Variants in PKDREJ observed in about 807,000 individuals in gnomAD.
The protein encoded by PKDREJ is polycystin family receptor for egg jelly, also known as PKD and REJ homolog.
For synonymous variants in PKDREJ, 1,031 were observed against 1,095.5 expected (o/e 0.94, Z 1.16); for missense variants, 2,507 against 2,807.2 (o/e 0.89, Z 2.42).
chr22:46,261,598 T>C lies in PKDREJ; in HGVS notation c.1725A>G (p.Ala575=). 1 of 1,613,736 alleles carries C rather than the reference T, an allele frequency of 6.2e-7. No homozygotes were observed. Among genetic ancestry groups the C allele is most frequent in the Non-Finnish European group, 8.5e-7 (1 of 1,179,654 alleles). Residue 575 remains alanine, a synonymous_variant, in exon 1 of 1, where the codon GCA becomes GCG. Coordinates refer to ENST00000253255, the MANE Select transcript of PKDREJ (RefSeq NM_006071.2). This position sits in a 1 kb window ranked among gnomAD's most constrained non-coding sequence, Gnocchi z 7.1. ...ECKINPAKGI[A]LITKFVVQCS... ...ACTGGACAACAAATTTAGTAATAAG[T>C]GCAATTCCTTTAGCTGGATTAATTT...
rs781534212 is a variant in PKDREJ at position 46,258,152 on chromosome 22, A to T, written c.5171T>A (p.Leu1724Gln). The T allele has an allele frequency of 5.6e-6, 9 of 1,614,178 alleles. No homozygotes were observed. The South Asian group carries it at 6.6e-5, about 12-fold the overall frequency. The change falls in exon 1 of 1, where the codon CTG (leucine) becomes CAG (glutamine). Residue 1724 changes from leucine to glutamine, a missense_variant. By Grantham distance (113) the Leu-to-Gln change is moderately radical (BLOSUM62 -2). Coordinates refer to ENST00000253255, the MANE Select transcript of PKDREJ (RefSeq NM_006071.2). The surrounding 1 kb of genome is among the most constrained non-coding windows in gnomAD (Gnocchi z 6.1). ...ACGTAGTAAGACGATAAGGATCAAC[A>T]GAAGGGCTAGAAAGATAAAGTGAGT... ...ILTHFIFLAL[L>Q]LILIVLLRHT...
Position 46,262,292 on chromosome 22 carries a change from G to A in PKDREJ, c.1031C>T (p.Ala344Val), listed in dbSNP as rs1399495669. The A allele has an allele frequency of 2.5e-6, 4 of 1,614,080 alleles. No individual in the cohort carries two copies. The highest frequency in any genetic ancestry group is 3.4e-6 in the Non-Finnish European group (4 of 1,180,052). The change falls in exon 1 of 1, where the codon GCC becomes GTC. Residue 344 changes from alanine to valine, a missense_variant. Coordinates refer to ENST00000253255, the MANE Select transcript of PKDREJ (RefSeq NM_006071.2). This position sits in a 1 kb window ranked among gnomAD's most constrained non-coding sequence, Gnocchi z 8.1. ...SSLQAVMLGDANITANFTEQL... is the reference protein window; with the variant it reads ...SSLQAVMLGDVNITANFTEQL... ...CTCTGTGAAATTAGCTGTTATGTTG[G>A]CATCGCCAAGCATCACCGCCTGCAG...
At position 46,256,354 on chromosome 22, in the gene PKDREJ, C is replaced by T. The variant is rs1198889071; in HGVS notation, c.*207G>A. The T allele has an allele frequency of 2.7e-6, 2 of 733,656 alleles. No homozygotes were observed. Among genetic ancestry groups the T allele is most frequent in the Non-Finnish European group, 2.1e-6 (1 of 471,002 alleles). 45.4% of individuals were successfully genotyped at this position (733,656 alleles called of 1,614,324 possible). On this transcript the variant is annotated 3_prime_UTR_variant, in exon 1 of 1. Transcript: ENST00000253255. This position sits in a 1 kb window ranked among gnomAD's most constrained non-coding sequence, Gnocchi z 5.3. ...GAATCCCACACTGTGATCCTGCTGT[C>T]TCCCCAGATGCTACACTACACTCCC...
rs374900193 is a variant in PKDREJ at position 46,260,874 on chromosome 22, T to C, written c.2449A>G (p.Ile817Val). Residue 817 changes from isoleucine (I) to valine (V), a missense_variant, in exon 1 of 1, where the codon ATT becomes GTT. Ile to Val is a conservative substitution (Grantham distance 29). Coordinates refer to ENST00000253255, the MANE Select transcript of PKDREJ (RefSeq NM_006071.2). The surrounding 1 kb of genome is among the most constrained non-coding windows in gnomAD (Gnocchi z 4.5). ...TGGTGAGGAGAAGTCATTTTAAGAATATTAGACAAACTCATTAGTATTCCA... is the reference window on the plus strand; with the variant it reads ...TGGTGAGGAGAAGTCATTTTAAGAACATTAGACAAACTCATTAGTATTCCA... ...STGILMSLSNILKMTSPHQVV... is the reference protein window; with the variant it reads ...STGILMSLSNVLKMTSPHQVV... The C allele has an allele frequency of 1.1e-4, 174 of 1,613,892 alleles. No individual in the cohort carries two copies. In the South Asian group the frequency reaches 1.8e-3, roughly 17 times the overall value.
In PKDREJ at chr22:46,261,187, T is replaced by C; in HGVS notation, c.2136A>G (p.Ile712Met). The change falls in exon 1 of 1, where the codon ATA (isoleucine) becomes ATG (methionine). Residue 712 changes from isoleucine to methionine, a missense_variant. By Grantham distance (10) the Ile-to-Met change is conservative. Transcript: ENST00000253255. This position sits in a 1 kb window ranked among gnomAD's most constrained non-coding sequence, Gnocchi z 7.1. Reference sequence around the variant, plus strand: ...TCATGTTATTCAAAACGGAAGCTACTATATACAGTAAGTAACCTGCAGGTA... The same window carrying C: ...TCATGTTATTCAAAACGGAAGCTACCATATACAGTAAGTAACCTGCAGGTA... ...DFLPAGYLLY[I>M]VASVLNNMKT... 1 of 1,614,166 alleles carries C rather than the reference T, an allele frequency of 6.2e-7. No individual in the cohort carries two copies.
rs1157092831 is a variant in PKDREJ, at chr22:46,261,529, T to C, written c.1794A>G (p.Ile598Met). ...CAACACTGTGCAAATCAGAAACAATTATTTTATATGTAAGAGGGACGTGCT... is the reference window on the plus strand; with the variant it reads ...CAACACTGTGCAAATCAGAAACAATCATTTTATATGTAAGAGGGACGTGCT... ...RDKHVPLTYKIIVSDLHSVGE... is the reference protein window; with the variant it reads ...RDKHVPLTYKMIVSDLHSVGE... Residue 598 changes from isoleucine to methionine, a missense_variant, in exon 1 of 1, where the codon ATA becomes ATG. Coordinates refer to ENST00000253255, the MANE Select transcript of PKDREJ (RefSeq NM_006071.2). This position sits in a 1 kb window ranked among gnomAD's most constrained non-coding sequence, Gnocchi z 7.1. 6.2e-7 allele frequency: 1 copy of C among 1,614,134 alleles called. No homozygotes were observed. Among genetic ancestry groups the C allele is most frequent in the Non-Finnish European group, 8.5e-7 (1 of 1,179,980 alleles).
chr22:46,262,701 C>T lies in PKDREJ; in HGVS notation c.622G>A (p.Val208Met). Residue 208 changes from valine (V) to methionine (M), a missense_variant, in exon 1 of 1, where the codon GTG (valine) becomes ATG (methionine). By Grantham distance (21) the Val-to-Met change is conservative (BLOSUM62 1). Transcript: ENST00000253255. This position sits in a 1 kb window ranked among gnomAD's most constrained non-coding sequence, Gnocchi z 8.1. The part of the protein sequence containing the change: ...SSSHRAVESS[V>M]SCQINACVIQ... ...ACGCAGGCGTTTATCTGACAGGACA[C>T]GGACGACTCGACGGCTCTGTGGCTG... The T allele has an allele frequency of 6.2e-7, 1 of 1,612,812 alleles. No individual in the cohort carries two copies.
Position 46,262,462 on chromosome 22 carries a change from G to T in PKDREJ, c.861C>A (p.Ser287Arg), listed in dbSNP as rs902573901. The T allele has an allele frequency of 6.2e-7, 1 of 1,600,702 alleles. No homozygotes were observed. Among genetic ancestry groups the T allele is most frequent in the African/African-American group, 1.3e-5 (1 of 74,818 alleles). ...LDLPQLEIRN[S>R]PLFIHIPNNS... ...TATTGGGGATGTGAATGAACAAGGG[G>T]CTGTTCCTGATCTCGAGCTGGGGCA... Residue 287 changes from serine to arginine, a missense_variant, in exon 1 of 1, where the codon AGC (serine) becomes AGA (arginine). Ser to Arg is a moderately radical substitution (Grantham distance 110, BLOSUM62 -1). Transcript: ENST00000253255. This position sits in a 1 kb window ranked among gnomAD's most constrained non-coding sequence, Gnocchi z 8.1.
rs747064079 is a variant in PKDREJ, at chr22:46,260,997, G to C, written c.2326C>G (p.Arg776Gly). ...PSEFTWDAQK[R>G]ATMRVWQANQ... ...GCTTGCCATACCCTCATGGTGGCAC[G>C]TTTCTGAGCATCCCAAGTGAATTCA... The change falls in exon 1 of 1, where the codon CGT (arginine) becomes GGT (glycine). Residue 776 changes from arginine (R) to glycine (G), a missense_variant. Arg to Gly is a moderately radical substitution (Grantham distance 125, BLOSUM62 -2). Coordinates refer to ENST00000253255, the MANE Select transcript of PKDREJ (RefSeq NM_006071.2). This position sits in a 1 kb window ranked among gnomAD's most constrained non-coding sequence, Gnocchi z 4.5. 6 of 1,614,028 alleles carry C rather than the reference G, an allele frequency of 3.7e-6. No homozygotes were observed. In the East Asian group the frequency reaches 1.3e-4, roughly 36 times the overall value.
In PKDREJ at chr22:46,262,214, A is replaced by G. The variant is rs1936704648; in HGVS notation, c.1109T>C (p.Leu370Ser). ...TSSDPDADSP[L>S]QGLQFFWYCT... ...GTACCAAAAGAACTGGAGTCCCTGT[A>G]ACGGGCTGTCCGCATCTGGGTCCGA... The change falls in exon 1 of 1, where the codon TTA becomes TCA. Residue 370 changes from leucine to serine, a missense_variant. Leu to Ser is a moderately radical substitution (Grantham distance 145). Transcript: ENST00000253255. The surrounding 1 kb of genome is among the most constrained non-coding windows in gnomAD (Gnocchi z 8.1). The G allele has an allele frequency of 1.2e-6, 2 of 1,614,096 alleles. No homozygotes were observed. The highest frequency in any genetic ancestry group is 1.3e-5 in the African/African-American group (1 of 74,938).
rs751567208 is a variant in PKDREJ, at chr22:46,259,722, C to G, written c.3601G>C (p.Ala1201Pro). The stretch of plus-strand genomic sequence containing the variant: ...TCATCCCTGTATAAAGCCCAAAAAG[C>G]TAGGCCCACGTATAAGAGAATAATG... ...LFIILLYVGL[A>P]FWALYRDEMD... is the part of the protein sequence containing the mutation. Residue 1201 changes from alanine (A) to proline (P), a missense_variant, in exon 1 of 1, where the codon GCT (alanine) becomes CCT (proline). By Grantham distance (27) the Ala-to-Pro change is conservative. Coordinates refer to ENST00000253255, the MANE Select transcript of PKDREJ (RefSeq NM_006071.2). The surrounding 1 kb of genome is among the most constrained non-coding windows in gnomAD (Gnocchi z 6.8). The G allele has an allele frequency of 1.2e-6, 2 of 1,614,172 alleles. No homozygotes were observed. Among genetic ancestry groups the G allele is most frequent in the Non-Finnish European group, 1.7e-6 (2 of 1,180,044 alleles).
At position 46,263,293 on chromosome 22, in the gene PKDREJ, CAGA is replaced by C; in HGVS notation, c.27_29del (p.Leu10del). ...CGACGCTCAGGCTCAGGCCCACGCC[CAGA>C]AGGAGGAGAGCGGGCCCAGGCCTCA... On this transcript the variant is annotated inframe_deletion, in exon 1 of 1. Transcript: ENST00000253255. This position sits in a 1 kb window ranked among gnomAD's most constrained non-coding sequence, Gnocchi z 9.4. 2 of 1,460,828 alleles carry C rather than the reference CAGA, an allele frequency of 1.4e-6. No homozygotes were observed. Among genetic ancestry groups the C allele is most frequent in the Non-Finnish European group, 1.8e-6 (2 of 1,114,854 alleles). 90.5% of individuals were successfully genotyped at this position (1,460,828 alleles called of 1,614,324 possible).
Position 46,263,081 on chromosome 22 carries a change from TG to T in PKDREJ, c.241del (p.His81MetfsTer46). On this transcript the variant is annotated frameshift_variant, in exon 1 of 1. Transcript: ENST00000253255. LOFTEE classifies it low-confidence loss of function (END_TRUNC). This position sits in a 1 kb window ranked among gnomAD's most constrained non-coding sequence, Gnocchi z 9.4. ...LSGRGSLCFP[H>X]GGTGRRWYCL... ...GTACCAGCGCCGCCCGGTCCCGCCATGGGGGAAGCAGAGGCTGCCGCGGCCG... is the reference window on the plus strand; with the variant it reads ...GTACCAGCGCCGCCCGGTCCCGCCATGGGGAAGCAGAGGCTGCCGCGGCCG... 2 of 1,322,292 alleles carry T rather than the reference TG, an allele frequency of 1.5e-6. No individual in the cohort carries two copies. The highest frequency in any genetic ancestry group is 1.6e-5 in the South Asian group (1 of 64,482). 81.9% of individuals were successfully genotyped at this position (1,322,292 alleles called of 1,614,324 possible). A position where few individuals can be genotyped will look rare whatever the true frequency, so the allele number is the denominator to read the frequency against.
At position 46,257,843 on chromosome 22, in the gene PKDREJ, T is replaced by C; in HGVS notation, c.5480A>G (p.Tyr1827Cys). 1 of 1,614,142 alleles carries C rather than the reference T, an allele frequency of 6.2e-7. No individual in the cohort carries two copies. Among genetic ancestry groups the C allele is most frequent in the Non-Finnish European group, 8.5e-7 (1 of 1,180,004 alleles). Residue 1827 changes from tyrosine to cysteine, a missense_variant, in exon 1 of 1, where the codon TAT (tyrosine) becomes TGT (cysteine). Coordinates refer to ENST00000253255, the MANE Select transcript of PKDREJ (RefSeq NM_006071.2). The surrounding 1 kb of genome is among the most constrained non-coding windows in gnomAD (Gnocchi z 4.7). ...IRREIHCHPKYGIDPEDTKNY... is the reference protein window; with the variant it reads ...IRREIHCHPKCGIDPEDTKNY... ...TTTTGTGTCTTCTGGGTCAATGCCA[T>C]ATTTGGGGTGACAATGAATTTCTCT...
In PKDREJ at chr22:46,257,219, T is replaced by C. The variant is rs1218118273; in HGVS notation, c.6104A>G (p.Glu2035Gly). The C allele has an allele frequency of 6.2e-7, 1 of 1,614,084 alleles. No homozygotes were observed. The highest frequency in any genetic ancestry group is 8.5e-7 in the Non-Finnish European group (1 of 1,180,044). Residue 2035 changes from glutamate (E) to glycine (G), a missense_variant, in exon 1 of 1, where the codon GAA becomes GGA. Transcript: ENST00000253255. This position sits in a 1 kb window ranked among gnomAD's most constrained non-coding sequence, Gnocchi z 4.7. ...GIIRFYLSNP[E>G]DFIPFHAVSQ... ...AACTGCATGAAAGGGAATGAAGTCT[T>C]CTGGGTTCGACAAGTAAAACCGAAT... is the stretch of plus-strand genomic sequence containing the variant.
Position 46,262,935 on chromosome 22 carries a change from C to T in PKDREJ, c.388G>A (p.Val130Met), listed in dbSNP as rs555983963. The change falls in exon 1 of 1, where the codon GTG (valine) becomes ATG (methionine). Residue 130 changes from valine (V) to methionine (M), a missense_variant. Val to Met is a conservative substitution (Grantham distance 21, BLOSUM62 1). Transcript: ENST00000253255. The surrounding 1 kb of genome is among the most constrained non-coding windows in gnomAD (Gnocchi z 8.1). ...RGGRLSLTWS[V>M]RLPRSPGRLA... ...CGCCCGGGCGAGCGCGGCAGCCGCA[C>T]GGACCACGTCAGGGAGAGGCGGCCG... 7.1e-3 allele frequency: 7,756 copies of T among 1,091,100 alleles called. 54 individuals carry two copies. Among genetic ancestry groups the T allele is most frequent in the Middle Eastern group, 0.034 (83 of 2,446 alleles). 67.6% of individuals were successfully genotyped at this position (1,091,100 alleles called of 1,614,324 possible). A position where few individuals can be genotyped will look rare whatever the true frequency, so the allele number is the denominator to read the frequency against.
Position 46,260,673 on chromosome 22 carries a change from A to T in PKDREJ, c.2650T>A (p.Cys884Ser). 1 of 1,614,116 alleles carries T rather than the reference A, an allele frequency of 6.2e-7. No individual in the cohort carries two copies. Among genetic ancestry groups the T allele is most frequent in the Non-Finnish European group, 8.5e-7 (1 of 1,179,980 alleles). The stretch of plus-strand genomic sequence containing the variant: ...CTCACATTGAGTGTTGGATAAAAAC[A>T]ATTTCTGCAGTGTTTCTCATTTCTG... ...LFRNEKHCRNCFYPTLNVSSV... is the reference protein window; with the variant it reads ...LFRNEKHCRNSFYPTLNVSSV... The change falls in exon 1 of 1, where the codon TGT (cysteine) becomes AGT (serine). Residue 884 changes from cysteine to serine, a missense_variant. Transcript: ENST00000253255. This position sits in a 1 kb window ranked among gnomAD's most constrained non-coding sequence, Gnocchi z 4.5.
rs777313809 is a variant in PKDREJ, at chr22:46,259,738, G to A, written c.3585C>T (p.Leu1195=). 1 of 1,614,194 alleles carries A rather than the reference G, an allele frequency of 6.2e-7. No homozygotes were observed. Among genetic ancestry groups the A allele is most frequent in the Non-Finnish European group, 8.5e-7 (1 of 1,180,052 alleles). ...CCCAAAAAGCTAGGCCCACGTATAA[G>A]AGAATAATGAAAAGCACAGTGAAGA... ...VTLFTVLFII[L]LYVGLAFWAL... Residue 1195 remains leucine (L), a synonymous_variant, in exon 1 of 1, where the codon CTC becomes CTT. Coordinates refer to ENST00000253255, the MANE Select transcript of PKDREJ (RefSeq NM_006071.2). The surrounding 1 kb of genome is among the most constrained non-coding windows in gnomAD (Gnocchi z 6.8).
At position 46,262,279 on chromosome 22, in the gene PKDREJ, A is replaced by G. The variant is rs2147776907; in HGVS notation, c.1044T>C (p.Ala348=). Residue 348 remains alanine, a synonymous_variant, in exon 1 of 1, where the codon GCT becomes GCC. Transcript: ENST00000253255. This position sits in a 1 kb window ranked among gnomAD's most constrained non-coding sequence, Gnocchi z 8.1. ...AVMLGDANIT[A]NFTEQLILDG... is the part of the protein sequence containing the mutation. ...CCAGAATCAGCTGCTCTGTGAAATT[A>G]GCTGTTATGTTGGCATCGCCAAGCA... 6.2e-7 allele frequency: 1 copy of G among 1,614,190 alleles called. No individual in the cohort carries two copies. Among genetic ancestry groups the G allele is most frequent in the Non-Finnish European group, 8.5e-7 (1 of 1,180,040 alleles).
Sources: allele counts gnomAD v4.1 joint callset, GRCh38; gene constraint gnomAD v4.1.1; non-coding constraint Gnocchi (gnomAD v3.1); transcripts MANE v1.5; gene names NCBI Gene and HGNC (gene_info 2026-07-23, HGNC 2026-07-21).